The following FABP7 variants were observed in gnomAD, a reference collection of about 807,000 sequenced individuals.
FABP7 encodes the protein fatty acid binding protein 7.
FABP7 carries 13 observed loss-of-function variants against 14.2 expected under a neutral mutation model. The observed-to-expected ratio is 0.91, with a 90% CI of 0.59 to 1.45. The LOEUF is 1.45. Ranked by LOEUF, FABP7 falls within the 40% of genes most tolerant of loss-of-function variation. The pLI, the probability that FABP7 is intolerant of heterozygous loss-of-function variation, is 0.00. For missense variants in FABP7, 149 were observed against 157.6 expected (o/e 0.95, Z 0.29); for synonymous variants, 49 against 51.4 (o/e 0.95, Z 0.20).
chr6:122,777,845 A>AAAATAATAAATAAAT (rs1780701733), upstream of FABP7, among the ~76,000 whole-genome samples: 1 of 143,778 alleles, frequency 7.0e-6, no homozygotes, highest in Admixed American at 7.1e-5. Context: ...CCTTTCTCCA[A>AAAATAATAAATAAAT]AAATAAATAA....
At chr6:122,773,141 C>A in the FABP7 span, among the ~76,000 whole-genome samples, 1 of 152,132 alleles carries the variant, frequency 6.6e-6, no homozygotes, top group Non-Finnish European at 1.5e-5. Flanking sequence ...AGGTTTCTTT[C>A]CCCAAAATTT....
the FABP7 span, among the ~76,000 whole-genome samples, chr6:122,760,987 C>T: frequency 6.6e-6 from 1 of 152,088 alleles, no homozygotes; most frequent in Admixed American, 6.5e-5. Context: ...TATGAGACTT[C>T]CAGGTTAAAG....
chr6:122,764,683 G>A, the FABP7 span, among the ~76,000 whole-genome samples: 1 of 152,098 alleles, frequency 6.6e-6, no homozygotes. Context: ...TTTTGAACAT[G>A]GCTTATGAAA....
chr6:122,765,456 T>C, the FABP7 span, among the ~76,000 whole-genome samples: 1 of 152,212 alleles, frequency 6.6e-6, no homozygotes, highest in South Asian at 2.1e-4. Context: ...AAAGGTTTCC[T>C]CAATAATGCT....
At chr6:122,783,606 T>C in intron 3 of FABP7, 111 bp from the exon 4 acceptor site, 2 of 1,455,568 alleles carry the variant, frequency 1.4e-6, no homozygotes, top group South Asian at 3.2e-5. Flanking sequence ...ATTTAATGTT[T>C]GTAAATGTCA....
chr6:122,751,836 C>A, the FABP7 span, among the ~76,000 whole-genome samples: 30 of 152,230 alleles, frequency 2.0e-4, no homozygotes, highest in African/African-American at 7.2e-4. Flanking sequence ...CAGGGCCTTG[C>A]TAGCTCCCAG....
Position 122,779,718 on chromosome 6 carries a change from A to G in FABP7, c.-77A>G. The G allele has an allele frequency of 1.4e-6, 2 of 1,410,094 alleles. No individual in the cohort carries two copies. Among genetic ancestry groups the G allele is most frequent in the Non-Finnish European group, 2.0e-6 (2 of 1,001,268 alleles). The allele number at this position is 1,410,094 out of a possible 1,614,324, so 87.3% of individuals were successfully genotyped here. Reference sequence around the variant, plus strand: ...AGGCAGGAGCTGCTTGCTGAGGTGTAAAGGGTCTTCTGAGCTGCAGTGGCA... The same window carrying G: ...AGGCAGGAGCTGCTTGCTGAGGTGTGAAGGGTCTTCTGAGCTGCAGTGGCA... On this transcript the variant is annotated 5_prime_UTR_variant, in exon 1 of 4. Transcript: ENST00000368444.
chr6:122,776,001 C>T (rs75049639), upstream of FABP7, among the ~76,000 whole-genome samples: 524 of 152,174 alleles, frequency 3.4e-3, 15 homozygotes, highest in East Asian at 0.052. Flanking sequence ...GAGATATCAC[C>T]TCATCCCAGT....
the FABP7 span, among the ~76,000 whole-genome samples, chr6:122,767,475 A>G: frequency 6.6e-6 from 1 of 152,192 alleles, no homozygotes; most frequent in South Asian, 2.1e-4. Flanking sequence ...CAGAGATGGT[A>G]TTCCATTTAG....
chr6:122,767,970 G>A, the FABP7 span, among the ~76,000 whole-genome samples: 1 of 151,898 alleles, frequency 6.6e-6, no homozygotes, highest in African/African-American at 2.4e-5. Flanking sequence ...GTTACAAACT[G>A]GAAGAATATA....
At chr6:122,767,219 C>G in the FABP7 span, among the ~76,000 whole-genome samples, 1 of 151,820 alleles carries the variant, frequency 6.6e-6, no homozygotes, top group Non-Finnish European at 1.5e-5. Context: ...AATGTAAAAA[C>G]ATAATTTTTT....
At chr6:122,781,334 TTAAC>T (rs1328474054) in intron 3 of FABP7, 140 bp downstream of exon 3, 12 of 1,540,340 alleles carry the variant, frequency 7.8e-6, no homozygotes, top group Non-Finnish European at 9.7e-6. Context: ...GCAAGGTTCT[TTAAC>T]TATATGTAAA....
At chr6:122,775,467 T>A (rs562448726), upstream of FABP7, among the ~76,000 whole-genome samples, 1 of 152,196 alleles carries the variant, frequency 6.6e-6, no homozygotes, top group African/African-American at 2.4e-5. Flanking sequence ...ACATGCAGAA[T>A]AATGAAACTA....
In FABP7 at chr6:122,780,475, C is replaced by T. The variant is rs755615508; in HGVS notation, c.246+12C>T. Reference sequence around the variant, plus strand: ...ATAGAAACTGTAAGGTGAGAAACTGCTTCTTCTTCAGAGTGGGGATGGGGA... The same window carrying T: ...ATAGAAACTGTAAGGTGAGAAACTGTTTCTTCTTCAGAGTGGGGATGGGGA... On this transcript the variant is annotated intron_variant, in intron 2 of 3. Transcript: ENST00000368444. The T allele has an allele frequency of 6.2e-7, 1 of 1,605,600 alleles. No homozygotes were observed. The highest frequency in any genetic ancestry group is 1.7e-5 in the Admixed American group (1 of 57,372).
At chr6:122,772,195 G>A in the FABP7 span, among the ~76,000 whole-genome samples, 2 of 152,112 alleles carry the variant, frequency 1.3e-5, no homozygotes, top group Admixed American at 6.6e-5. Flanking sequence ...TTTCTTGGCC[G>A]AGTTGTTGCA....
the FABP7 span, among the ~76,000 whole-genome samples, chr6:122,758,251 G>A: frequency 6.6e-6 from 1 of 151,930 alleles, no homozygotes; most frequent in Non-Finnish European, 1.5e-5. Context: ...GGGATTACAG[G>A]CATGTGTCAC....
At chr6:122,778,716 G>A (rs1187999482), upstream of FABP7, among the ~76,000 whole-genome samples, 2 of 152,142 alleles carry the variant, frequency 1.3e-5, no homozygotes, top group East Asian at 3.9e-4. Context: ...CTGAGCCAGG[G>A]CAAACTGAAA....
chr6:122,781,549 T>C, intron 3 of FABP7: 1 of 1,269,060 alleles, frequency 7.9e-7, no homozygotes, highest in Non-Finnish European at 1.0e-6. Context: ...ATCACTGAAA[T>C]ATATAAAGAT....
the FABP7 span, among the ~76,000 whole-genome samples, chr6:122,764,164 T>C: frequency 2.6e-5 from 4 of 152,316 alleles, no homozygotes; most frequent in South Asian, 8.3e-4. Flanking sequence ...ATAGACTGGA[T>C]TCAGAAGATG....
Sources: allele counts gnomAD v4.1 joint callset (sites outside exome capture counted in the v4.1 genomes callset), GRCh38; gene constraint gnomAD v4.1.1; transcripts MANE v1.5; gene names NCBI Gene and HGNC (gene_info 2026-07-23, HGNC 2026-07-21).